Variants in SPATS2L observed in about 807,000 individuals in gnomAD.
SPATS2L encodes SPATS2-like protein.
Under a neutral mutation model 59.6 loss-of-function variants are expected in SPATS2L, and 30 were observed. That is an observed-to-expected ratio of 0.50 (90% CI 0.38 to 0.68). The LOEUF is 0.68. SPATS2L is among the 30% of genes least tolerant of loss of function. The pLI is 0.00. For synonymous variants in SPATS2L, 252 were observed against 263.5 expected, an observed-to-expected ratio of 0.96 and a Z score of 0.42; for missense variants, 615 against 700.0, an observed-to-expected ratio of 0.88 and a Z score of 1.37.
chr2:200,448,053 G>A (rs1255900576), intron 8 of SPATS2L, among the ~76,000 whole-genome samples: 1 of 152,154 alleles, frequency 6.6e-6, no homozygotes, highest in Non-Finnish European at 1.5e-5. Flanking sequence ...GCTGAGGTGG[G>A]AGGATCATTT....
intron 3 of SPATS2L, among the ~76,000 whole-genome samples, chr2:200,402,982 A>G (rs1159655431): frequency 6.6e-6 from 1 of 152,244 alleles, no homozygotes; most frequent in Admixed American, 6.5e-5. Context: ...CAGAACTTAC[A>G]TATTGAAATT....
At chr2:200,342,280 A>C (rs1408841033) in intron 2 of SPATS2L, among the ~76,000 whole-genome samples, 2 of 152,172 alleles carry the variant, frequency 1.3e-5, no homozygotes, top group Non-Finnish European at 2.9e-5. Flanking sequence ...TCCAGAGATA[A>C]AGATTTAGAA....
chr2:200,462,515 G>A (rs935519334), intron 9 of SPATS2L, among the ~76,000 whole-genome samples: 11 of 152,150 alleles, frequency 7.2e-5, no homozygotes, highest in Non-Finnish European at 8.8e-5. Context: ...CTCAGCCCTG[G>A]GGAAGCCCAT....
At chr2:200,432,604 A>G (rs148870058) in intron 6 of SPATS2L, among the ~76,000 whole-genome samples, 1 of 152,336 alleles carries the variant, frequency 6.6e-6, no homozygotes, top group East Asian at 1.9e-4. Context: ...CCAATTTTAA[A>G]AATTACTAGA....
upstream of SPATS2L, chr2:200,306,373 A>G (rs557319741): frequency 5.2e-5 from 52 of 1,001,622 alleles, no homozygotes; most frequent in African/African-American, 1.4e-4. Flanking sequence ...GGTGAAGTGG[A>G]GGTTTGGGGA....
chr2:200,422,411 C>T (rs2083344198), intron 6 of SPATS2L, among the ~76,000 whole-genome samples: 1 of 151,924 alleles, frequency 6.6e-6, no homozygotes, highest in Non-Finnish European at 1.5e-5. Context: ...GTGGTGCATG[C>T]CTGTACTCCC....
intron 2 of SPATS2L, among the ~76,000 whole-genome samples, chr2:200,331,796 A>G (rs1051714010): frequency 6.6e-6 from 1 of 152,142 alleles, no homozygotes; most frequent in Non-Finnish European, 1.5e-5. Flanking sequence ...AATGTTAGTT[A>G]TTTTGTTGTT....
In SPATS2L at chr2:200,469,973, T is replaced by C. The variant is rs1225752426; in HGVS notation, c.1017T>C (p.Cys339=). Residue 339 remains cysteine, a synonymous_variant, in exon 11 of 13, where the codon TGT becomes TGC. Transcript: ENST00000409140. ...EELGKAARFS[C]DIEQLKAQIM... ...TCGGGAAAGCTGCCCGGTTTTCCTG[T>C]GACATCGAACAGCTGAAGGCCCAAA... 3.7e-6 allele frequency: 6 copies of C among 1,612,266 alleles called. No homozygotes were observed. In the African/African-American group the frequency reaches 6.7e-5, roughly 18 times the overall value.
At chr2:200,393,600 TTTCTC>T (rs1404433117) in intron 3 of SPATS2L, among the ~76,000 whole-genome samples, 1 of 152,134 alleles carries the variant, frequency 6.6e-6, no homozygotes, top group Non-Finnish European at 1.5e-5. Context: ...GGTTAATAGA[TTTCTC>T]AACTCAATGA....
chr2:200,477,708 T>G lies in SPATS2L; in HGVS notation c.1354T>G (p.Ser452Ala), dbSNP rs1226036668. 1 of 1,564,656 alleles carries G rather than the reference T, an allele frequency of 6.4e-7. No homozygotes were observed. The highest frequency in any genetic ancestry group is 8.7e-7 in the Non-Finnish European group (1 of 1,154,470). Residue 452 changes from serine to alanine, a missense_variant, in exon 13 of 13, where the codon TCG (serine) becomes GCG (alanine). This residue lies in a region of SPATS2L where 284 missense variants were observed against 280.1 expected (regional missense o/e 1.01). Transcript: ENST00000409140. ...CAACAGGCTAAATGGGCCTGCCAAG[T>G]CGCAGGGCAGTGGGAATGAAGCCGA... ...HNNRLNGPAKSQGSGNEAEPL... is the reference protein window; with the variant it reads ...HNNRLNGPAKAQGSGNEAEPL...
intron 2 of SPATS2L, among the ~76,000 whole-genome samples, chr2:200,369,929 T>C (rs2081377329): frequency 6.6e-6 from 1 of 152,258 alleles, no homozygotes; most frequent in African/African-American, 2.4e-5. Flanking sequence ...TCCCTTCTTA[T>C]TCTTGCCTTT....
At chr2:200,392,257 C>T (rs912298433) in intron 3 of SPATS2L, among the ~76,000 whole-genome samples, 6 of 152,128 alleles carry the variant, frequency 3.9e-5, no homozygotes, top group Non-Finnish European at 7.4e-5. Context: ...GAGAGAGGAG[C>T]TGACGTTTAA....
At chr2:200,401,087 G>C (rs1482156351) in intron 3 of SPATS2L, among the ~76,000 whole-genome samples, 2 of 152,164 alleles carry the variant, frequency 1.3e-5, no homozygotes, top group East Asian at 3.8e-4. Context: ...GTGGGATATT[G>C]CAGTGGCTCT....
intron 11 of SPATS2L, among the ~76,000 whole-genome samples, chr2:200,470,638 A>G (rs1257999651): frequency 6.6e-6 from 1 of 152,172 alleles, no homozygotes; most frequent in Non-Finnish European, 1.5e-5. Context: ...AAGCGGCTTT[A>G]AGGACGGCCA....
rs528518311 is a variant in SPATS2L, at chr2:200,430,791, C to T, written c.446-8331C>T. On this transcript the variant is annotated intron_variant, in intron 6 of 12. Coordinates refer to ENST00000409140, the MANE Select transcript of SPATS2L (RefSeq NM_001100423.2). ...AGAGTGCAGTGACATGATCTTGGCT[C>T]ACCACAACCTCTGCCTCACAGGTTC... Among the ~76,000 whole-genome samples, 5 of 147,702 alleles carry T rather than the reference C, an allele frequency of 3.4e-5. No individual in the cohort carries two copies. In the South Asian group the frequency reaches 8.5e-4, roughly 25 times the overall value.
At chr2:200,452,736 G>A (rs546330440) in intron 8 of SPATS2L, among the ~76,000 whole-genome samples, 6 of 152,206 alleles carry the variant, frequency 3.9e-5, no homozygotes, top group East Asian at 3.9e-4. Flanking sequence ...TCTATTTCCC[G>A]GATGAGCGTG....
At chr2:200,359,998 A>G (rs1381876363) in intron 2 of SPATS2L, among the ~76,000 whole-genome samples, 1 of 152,214 alleles carries the variant, frequency 6.6e-6, no homozygotes, top group Non-Finnish European at 1.5e-5. Flanking sequence ...TTATATTAAC[A>G]TCTTTTTCCA....
chr2:200,414,554 C>T (rs1432507614), intron 4 of SPATS2L, among the ~76,000 whole-genome samples: 1 of 151,882 alleles, frequency 6.6e-6, no homozygotes, highest in African/African-American at 2.4e-5. Context: ...TGATTGGACC[C>T]AGGAAGTCGA....
chr2:200,343,567 T>C (rs941701305), intron 2 of SPATS2L, among the ~76,000 whole-genome samples: 1 of 152,196 alleles, frequency 6.6e-6, no homozygotes, highest in East Asian at 1.9e-4. Context: ...TTAAAATATA[T>C]TTACTGTTTT....
Sources: gnomAD v4.1 joint callset for allele counts (sites outside exome capture counted in the v4.1 genomes callset) on GRCh38, gnomAD v4.1.1 for gene constraint, gnomAD v4.1.1 regional missense constraint, MANE v1.5 for transcripts, NCBI Gene and HGNC (gene_info 2026-07-23, HGNC 2026-07-21) for gene names.